The following MAPK10 variants were observed in gnomAD, a reference collection of about 807,000 sequenced individuals.
MAPK10 encodes the protein mitogen-activated protein kinase 10.
A neutral mutation model predicts 59.3 loss-of-function variants in MAPK10; 25 were observed. That is an observed-to-expected ratio of 0.42 (90% confidence interval 0.31 to 0.59). MAPK10 has a LOEUF of 0.59. MAPK10 is among the 20% of genes least tolerant of loss of function. MAPK10 has a pLI of 0.15. For missense variants in MAPK10, 351 were observed against 568.9 expected (o/e 0.62, Z 3.90); for synonymous variants, 190 against 200.5 (o/e 0.95, Z 0.44).
chr4:86,281,577 G>C (rs2094808202), intron 2 of MAPK10, among the ~76,000 whole-genome samples: 1 of 152,008 alleles, frequency 6.6e-6, no homozygotes, highest in Admixed American at 6.6e-5. Flanking sequence ...GTGTCCTTAA[G>C]TTTTGCTTCT....
intron 1 of MAPK10, among the ~76,000 whole-genome samples, chr4:86,512,651 T>C (rs1756367111): frequency 6.6e-6 from 1 of 152,224 alleles, no homozygotes; most frequent in African/African-American, 2.4e-5. Context: ...CCTTGCTATC[T>C]ACCTACAGAC....
At chr4:86,377,419 G>A (rs1739987517) in intron 1 of MAPK10, among the ~76,000 whole-genome samples, 1 of 152,170 alleles carries the variant, frequency 6.6e-6, no homozygotes, top group South Asian at 2.1e-4. Context: ...TGCCTCTGCA[G>A]TCAGGAGTTT....
chr4:86,491,044 T>C (rs1754417610), intron 1 of MAPK10, among the ~76,000 whole-genome samples: 1 of 152,170 alleles, frequency 6.6e-6, no homozygotes, highest in South Asian at 2.1e-4. Context: ...GTTTGTTTTG[T>C]ATAAAGATGT....
At chr4:86,407,382 G>T (rs1343397447) in intron 1 of MAPK10, among the ~76,000 whole-genome samples, 1 of 152,130 alleles carries the variant, frequency 6.6e-6, no homozygotes, top group East Asian at 1.9e-4. Context: ...TGGAAAGAGA[G>T]GCATTTCTCC....
intron 1 of MAPK10, among the ~76,000 whole-genome samples, chr4:86,573,020 C>G (rs1761585420): frequency 6.6e-6 from 1 of 152,116 alleles, no homozygotes; most frequent in Admixed American, 6.5e-5. Context: ...TTCATATATT[C>G]TGGATATAAC....
intron 1 of MAPK10, among the ~76,000 whole-genome samples, chr4:86,396,133 G>C (rs1000389996): frequency 3.9e-5 from 6 of 152,174 alleles, no homozygotes; most frequent in African/African-American, 1.4e-4. Flanking sequence ...ATCACCTGAG[G>C]CCAGGAGATC....
intron 1 of MAPK10, among the ~76,000 whole-genome samples, chr4:86,547,001 G>A (rs535145278): frequency 2.0e-5 from 3 of 152,274 alleles, no homozygotes; most frequent in Non-Finnish European, 4.4e-5. Context: ...GCTTGCAGCC[G>A]AGATTGCGCC....
intron 1 of MAPK10, among the ~76,000 whole-genome samples, chr4:86,534,346 C>T (rs1180809820): frequency 1.3e-5 from 2 of 151,752 alleles, no homozygotes; most frequent in African/African-American, 4.8e-5. Flanking sequence ...TGCCTAAGTT[C>T]CCAACATTTC....
At chr4:86,305,247 C>T (rs192621434) in intron 2 of MAPK10, among the ~76,000 whole-genome samples, 35 of 151,806 alleles carry the variant, frequency 2.3e-4, no homozygotes, top group Non-Finnish European at 4.4e-5. Flanking sequence ...GTGTTATATC[C>T]CTGTTAGTTT....
At chr4:86,242,034 T>C (rs1255995049) in intron 2 of MAPK10, among the ~76,000 whole-genome samples, 1 of 151,996 alleles carries the variant, frequency 6.6e-6, no homozygotes, top group Non-Finnish European at 1.5e-5. Flanking sequence ...TTTTTTGTTG[T>C]TGTTGGTGGT....
chr4:86,310,025 T>C (rs1254995926), intron 2 of MAPK10, among the ~76,000 whole-genome samples: 1 of 152,224 alleles, frequency 6.6e-6, no homozygotes, highest in Non-Finnish European at 1.5e-5. Context: ...CTGAGATACA[T>C]GCTTTATCTG....
At chr4:86,214,581 G>A (rs906774488) in intron 2 of MAPK10, among the ~76,000 whole-genome samples, 3 of 135,860 alleles carry the variant, frequency 2.2e-5, no homozygotes. Flanking sequence ...AGGATACAAA[G>A]TTAACGCGCA....
chr4:86,072,401 T>C (rs1440085630), intron 9 of MAPK10, among the ~76,000 whole-genome samples: 1 of 147,326 alleles, frequency 6.8e-6, no homozygotes, highest in Non-Finnish European at 1.5e-5. Flanking sequence ...TCCTGTCTAA[T>C]TGCCCTGGCC....
At chr4:86,415,789 C>T (rs1041095160) in intron 1 of MAPK10, among the ~76,000 whole-genome samples, 1 of 152,036 alleles carries the variant, frequency 6.6e-6, no homozygotes, top group African/African-American at 2.4e-5. Flanking sequence ...TGGAGGATAA[C>T]CTAATGTCAG....
At chr4:86,548,203 A>T (rs1316775054) in intron 1 of MAPK10, among the ~76,000 whole-genome samples, 1 of 152,166 alleles carries the variant, frequency 6.6e-6, no homozygotes. Flanking sequence ...ACCGGGAGGA[A>T]CAAACAACTC....
chr4:86,033,533 G>T (rs975937187), intron 11 of MAPK10, among the ~76,000 whole-genome samples: 8 of 152,268 alleles, frequency 5.3e-5, no homozygotes, highest in Non-Finnish European at 1.2e-4. Context: ...TTTTCTTTTT[G>T]CAACAAAGCT....
At chr4:86,124,305 T>A (rs907557971) in intron 4 of MAPK10, 2 of 152,030 alleles carry the variant, frequency 1.3e-5, no homozygotes, top group Admixed American at 6.6e-5. Flanking sequence ...TTTATAAATA[T>A]TTTTATAATT....
intron 2 of MAPK10, among the ~76,000 whole-genome samples, chr4:86,272,086 G>A (rs974383356): frequency 6.6e-6 from 1 of 151,946 alleles, no homozygotes; most frequent in Non-Finnish European, 1.5e-5. Context: ...GAGTACATGC[G>A]GTATTTGGTT....
intron 2 of MAPK10, among the ~76,000 whole-genome samples, chr4:86,348,678 A>C (rs1288062383): frequency 3.3e-5 from 5 of 152,308 alleles, no homozygotes; most frequent in Middle Eastern, 3.4e-3. Context: ...TAATAAAAAA[A>C]AAATTTATGT....
Sources: allele counts gnomAD v4.1 joint callset (sites outside exome capture counted in the v4.1 genomes callset), GRCh38; gene constraint gnomAD v4.1.1; transcripts MANE v1.5; gene names NCBI Gene and HGNC (gene_info 2026-07-23, HGNC 2026-07-21).